Variants in NELL1 observed in about 807,000 individuals in gnomAD.
The protein encoded by NELL1 is neural EGFL like 1, also known as protein kinase C-binding protein NELL1.
In NELL1, 76 loss-of-function variants were observed where a neutral mutation model predicts 107.4. That is an observed-to-expected ratio of 0.71 (90% CI 0.59 to 0.86). NELL1 has a LOEUF of 0.86. NELL1 is among the 40% of genes least tolerant of loss of function. NELL1 has a pLI of 0.00. For missense variants in NELL1, 1,024 were observed against 1,005.5 expected (o/e 1.02, Z -0.25); for synonymous variants, 353 against 341.2 (o/e 1.03, Z -0.38).
intron 15 of NELL1, among the ~76,000 whole-genome samples, chr11:21,525,256 A>G (rs1284435365): frequency 6.6e-6 from 1 of 152,226 alleles, no homozygotes; most frequent in Admixed American, 6.5e-5. Flanking sequence ...AATACTACTG[A>G]CTTCACTGTT....
At chr11:20,854,819 G>A (rs2134066120) in intron 4 of NELL1, among the ~76,000 whole-genome samples, 1 of 152,334 alleles carries the variant, frequency 6.6e-6, no homozygotes, top group South Asian at 2.1e-4. Context: ...TAGTTGTGCT[G>A]TGAAAGACAT....
chr11:21,534,322 A>C, intron 15 of NELL1, 52 bp from the exon 16 acceptor site: 5 of 1,605,724 alleles, frequency 3.1e-6, no homozygotes, highest in Non-Finnish European at 3.4e-6. Flanking sequence ...CTGAAAGGTT[A>C]GTGTCAAAAG....
chr11:21,046,847 A>G (rs916469705), intron 12 of NELL1, among the ~76,000 whole-genome samples: 2 of 151,454 alleles, frequency 1.3e-5, no homozygotes, highest in African/African-American at 4.9e-5. Flanking sequence ...AGCTGGGAGT[A>G]TAGCCATGTA....
At chr11:20,933,192 G>C (rs1223074876) in intron 9 of NELL1, among the ~76,000 whole-genome samples, 5 of 152,256 alleles carry the variant, frequency 3.3e-5, no homozygotes, top group Non-Finnish European at 5.9e-5. Flanking sequence ...TCCAGGTGGA[G>C]GTGTTGAGGC....
chr11:21,209,029 CTT>C (rs1857445392), intron 13 of NELL1, among the ~76,000 whole-genome samples: 1 of 152,068 alleles, frequency 6.6e-6, no homozygotes, highest in South Asian at 2.1e-4. Flanking sequence ...CTCCCCAAAA[CTT>C]TTGTCTAATA....
At chr11:21,374,912 T>TG (rs1444225175) in intron 15 of NELL1, among the ~76,000 whole-genome samples, 1 of 151,596 alleles carries the variant, frequency 6.6e-6, no homozygotes, top group Non-Finnish European at 1.5e-5. Flanking sequence ...TGTGTGTGTG[T>TG]GTGTGTGTGT....
intron 5 of NELL1, among the ~76,000 whole-genome samples, chr11:20,899,381 T>C (rs1394970992): frequency 6.6e-6 from 1 of 152,176 alleles, no homozygotes; most frequent in Admixed American, 6.5e-5. Flanking sequence ...CAGTATCATT[T>C]AAAGTAACTA....
At chr11:21,183,731 C>G (rs1316289331) in intron 13 of NELL1, among the ~76,000 whole-genome samples, 1 of 151,736 alleles carries the variant, frequency 6.6e-6, no homozygotes, top group African/African-American at 2.4e-5. Context: ...ATGAATATAA[C>G]TAGTGGGAAC....
chr11:21,178,776 A>AT (rs1477464701), intron 13 of NELL1, among the ~76,000 whole-genome samples: 1 of 151,626 alleles, frequency 6.6e-6, no homozygotes, highest in Non-Finnish European at 1.5e-5. Flanking sequence ...AAAAAAAAAA[A>AT]AGTTTTTCTG....
At position 20,677,862 on chromosome 11, in the gene NELL1, G is replaced by A. The variant is rs572079843; in HGVS notation, c.56-70G>A. The A allele has an allele frequency of 2.6e-5, 41 of 1,581,398 alleles. No individual in the cohort carries two copies. The African/African-American group carries it at 4.7e-4, about 18-fold the overall frequency. On this transcript the variant is annotated intron_variant, in intron 1 of 19. Coordinates refer to ENST00000357134, the MANE Select transcript of NELL1 (RefSeq NM_006157.5). ...TTCCTTGTATTCCCTGCCACTCCCC[G>A]ACTCTGTAACCTCTGAATGCTAGTA... is the stretch of plus-strand genomic sequence containing the variant.
chr11:20,747,370 G>C (rs1020111013), intron 2 of NELL1, among the ~76,000 whole-genome samples: 1 of 152,060 alleles, frequency 6.6e-6, no homozygotes, highest in Non-Finnish European at 1.5e-5. Flanking sequence ...AGGTCATCTA[G>C]GCATGATGAA....
chr11:21,067,287 G>T (rs1252105392), intron 12 of NELL1, among the ~76,000 whole-genome samples: 1 of 152,152 alleles, frequency 6.6e-6, no homozygotes, highest in African/African-American at 2.4e-5. Context: ...GAAATTTCTG[G>T]ACAGCGCTGA....
chr11:20,975,458 A>G (rs1590484782), intron 12 of NELL1, among the ~76,000 whole-genome samples: 1 of 149,548 alleles, frequency 6.7e-6, no homozygotes, highest in South Asian at 2.1e-4. Context: ...ATAGCTTCAA[A>G]ATAGATATTT....
intron 15 of NELL1, among the ~76,000 whole-genome samples, chr11:21,431,141 A>T (rs1453880829): frequency 2.0e-5 from 3 of 152,050 alleles, no homozygotes; most frequent in African/African-American, 7.2e-5. Flanking sequence ...TTCTGCTGAC[A>T]TCTACTTGGC....
At chr11:20,787,585 A>G (rs150049882) in intron 3 of NELL1, among the ~76,000 whole-genome samples, 2,675 of 152,296 alleles carry the variant, frequency 0.018, 27 homozygotes, top group South Asian at 0.032. Context: ...TATGTGGTAG[A>G]TAGATTGTTG....
At chr11:21,248,080 C>T (rs1441486839) in intron 14 of NELL1, among the ~76,000 whole-genome samples, 2 of 152,194 alleles carry the variant, frequency 1.3e-5, no homozygotes, top group Admixed American at 6.5e-5. Flanking sequence ...TGCAGTGGCT[C>T]ACGCCTGTAA....
rs4151055 is a variant in NELL1, at chr11:21,370,728, A to G, written c.1550-125A>G. 1.7e-4 allele frequency: 106 copies of G among 641,544 alleles called. 1 individual carries two copies. The East Asian group carries it at 3.0e-3, about 18-fold the overall frequency. 39.7% of individuals were successfully genotyped at this position (641,544 alleles called of 1,614,324 possible). ...TTCTTTTTCTGTATGGAATTTTTAA[A>G]TGTATCAATACAGATGTGTATTCCC... On this transcript the variant is annotated intron_variant, in intron 14 of 19. Transcript: ENST00000357134.
chr11:21,021,701 G>A (rs1401312783), intron 12 of NELL1, among the ~76,000 whole-genome samples: 4 of 152,008 alleles, frequency 2.6e-5, no homozygotes, highest in Non-Finnish European at 5.9e-5. Flanking sequence ...TCACGGTGGT[G>A]ATAGGCCCAT....
At chr11:21,247,988 A>G (rs2133906412) in intron 14 of NELL1, among the ~76,000 whole-genome samples, 1 of 152,344 alleles carries the variant, frequency 6.6e-6, no homozygotes, top group African/African-American at 2.4e-5. Context: ...AGATGGAGGT[A>G]TAGAGAAATT....
Sources: gnomAD v4.1 joint callset for allele counts (sites outside exome capture counted in the v4.1 genomes callset) on GRCh38, gnomAD v4.1.1 for gene constraint, MANE v1.5 for transcripts, NCBI Gene and HGNC (gene_info 2026-07-23, HGNC 2026-07-21) for gene names.